GALM: variants seen among roughly 807,000 people sequenced by gnomAD.
The protein encoded by GALM is galactose mutarotase, also known as aldose 1-epimerase.
In GALM, 43 loss-of-function variants were observed where a neutral mutation model predicts 37.4. That is an observed-to-expected ratio of 1.15 (90% CI 0.90 to 1.48). The LOEUF (loss-of-function observed/expected upper bound fraction) is 1.48. Among genes scored for constraint, GALM ranks in the 40% most tolerant of loss-of-function variants. GALM has a pLI of 0.00. For missense variants in GALM, 456 were observed against 419.1 expected (o/e 1.09, Z -0.77); for synonymous variants, 199 against 170.6 (o/e 1.17, Z -1.30).
chr2:38,679,655 A>C (rs1665348024), intron 2 of GALM, among the ~76,000 whole-genome samples: 1 of 152,176 alleles, frequency 6.6e-6, no homozygotes. Flanking sequence ...CTCTAAAGGC[A>C]CTGGGAATCT....
intron 4 of GALM, among the ~76,000 whole-genome samples, chr2:38,721,205 GT>G (rs975253302): frequency 7.2e-5 from 11 of 152,230 alleles, no homozygotes; most frequent in African/African-American, 2.2e-4. Context: ...AAGGCAGTGA[GT>G]TTTTCCTTCA....
At chr2:38,693,470 G>A (rs1225810592) in intron 4 of GALM, among the ~76,000 whole-genome samples, 1 of 139,344 alleles carries the variant, frequency 7.2e-6, no homozygotes, top group Non-Finnish European at 1.5e-5. Context: ...GAAACAGAGC[G>A]AGACTCTGCT....
intron 4 of GALM, among the ~76,000 whole-genome samples, chr2:38,700,500 T>TA (rs1316176380): frequency 3.1e-5 from 4 of 128,336 alleles, no homozygotes; most frequent in Admixed American, 8.0e-5. Flanking sequence ...TTTCTTTTTT[T>TA]TAATCGTTTT....
At chr2:38,713,114 G>GCC (rs1666204262) in intron 4 of GALM, among the ~76,000 whole-genome samples, 1 of 152,184 alleles carries the variant, frequency 6.6e-6, no homozygotes, top group East Asian at 1.9e-4. Flanking sequence ...GAGGAGAGCA[G>GCC]GAGGCCCTGG....
At chr2:38,688,465 C>T (rs987691913) in intron 3 of GALM, among the ~76,000 whole-genome samples, 1 of 151,670 alleles carries the variant, frequency 6.6e-6, no homozygotes, top group Non-Finnish European at 1.5e-5. Context: ...GAGCCGAGAT[C>T]GCGCCATTGC....
Position 38,733,725 on chromosome 2 carries a change from T to G in GALM, c.*160T>G, listed in dbSNP as rs571493695. The G allele has an allele frequency of 1.5e-6, 1 of 646,058 alleles. No individual in the cohort carries two copies. Among genetic ancestry groups the G allele is most frequent in the African/African-American group, 1.8e-5 (1 of 55,448 alleles). The allele number at this position is 646,058 out of a possible 1,614,324, so 40.0% of individuals were successfully genotyped here. A position where few individuals can be genotyped will look rare whatever the true frequency, so the allele number is the denominator to read the frequency against. On this transcript the variant is annotated 3_prime_UTR_variant, in exon 7 of 7. Coordinates refer to ENST00000272252, the MANE Select transcript of GALM (RefSeq NM_138801.3). ...ATCAGTCTGGGTATTGATTTCCTTT[T>G]CCAGTGACTGGCTCCAGGCCATGTC...
chr2:38,679,519 T>C (rs1665343893), intron 2 of GALM, among the ~76,000 whole-genome samples: 1 of 152,208 alleles, frequency 6.6e-6, no homozygotes, highest in African/African-American at 2.4e-5. Context: ...GTCATTTCAT[T>C]TGGGCAACCA....
In GALM at chr2:38,711,004, T is replaced by C. The variant is rs188879673; in HGVS notation, c.635-18552T>C. ...TCTGACTTTAGGCGATCCACCCACCTCAGCCTCCCAAAGTGCTGGGATTAC... is the reference window on the plus strand; with the variant it reads ...TCTGACTTTAGGCGATCCACCCACCCCAGCCTCCCAAAGTGCTGGGATTAC... On this transcript the variant is annotated intron_variant, in intron 4 of 6. Coordinates refer to ENST00000272252, the MANE Select transcript of GALM (RefSeq NM_138801.3). Among the ~76,000 whole-genome samples, 14 of 152,200 alleles carry C rather than the reference T, an allele frequency of 9.2e-5. No homozygotes were observed. The East Asian group carries it at 2.3e-3, about 25-fold the overall frequency.
At chr2:38,713,715 G>T (rs1354086994) in intron 4 of GALM, among the ~76,000 whole-genome samples, 1 of 151,976 alleles carries the variant, frequency 6.6e-6, no homozygotes, top group African/African-American at 2.4e-5. Flanking sequence ...ACCAGTCTGA[G>T]CAACATAGAG....
rs1205920090 is a variant in GALM, at chr2:38,681,451, C to G, written c.517C>G (p.Leu173Val). 1 of 1,614,072 alleles carries G rather than the reference C, an allele frequency of 6.2e-7. No homozygotes were observed. The highest frequency in any genetic ancestry group is 8.5e-7 in the Non-Finnish European group (1 of 1,180,032). Residue 173 changes from leucine to valine, a missense_variant, in exon 3 of 7, where the codon CTG becomes GTG. By Grantham distance (32) the Leu-to-Val change is conservative. Transcript: ENST00000272252. ...AGCCAGTCAGGCCACACCAGTCAAC[C>G]TGACCAACCATTCTTACTTCAACCT... The part of the protein sequence containing the change: ...AQASQATPVN[L>V]TNHSYFNLAG...
chr2:38,729,141 T>TCCC (rs1666544372), intron 4 of GALM, among the ~76,000 whole-genome samples: 1 of 151,974 alleles, frequency 6.6e-6, no homozygotes, highest in Admixed American at 6.6e-5. Flanking sequence ...GAGCCCATAC[T>TCCC]CCCATATACT....
intron 3 of GALM, among the ~76,000 whole-genome samples, chr2:38,688,937 C>T (rs1349874799): frequency 2.6e-5 from 4 of 152,198 alleles, no homozygotes; most frequent in Non-Finnish European, 5.9e-5. Flanking sequence ...TCTCCTGCCT[C>T]AGCCTCCTGA....
chr2:38,708,130 A>AATAAAATAAAATAAC (rs1347394153), intron 4 of GALM, among the ~76,000 whole-genome samples: 1 of 150,064 alleles, frequency 6.7e-6, no homozygotes, highest in East Asian at 2.0e-4. Context: ...AATAAAATAA[A>AATAAAATAAAATAAC]ATAAAATAAA....
Position 38,733,619 on chromosome 2 carries a change from G to C in GALM, c.*54G>C, listed in dbSNP as rs1666650607. On this transcript the variant is annotated 3_prime_UTR_variant, in exon 7 of 7. Transcript: ENST00000272252. ...GGCTAGGCTCAGCCACCTGTCTCCT[G>C]TCCAGAAAAAAGGTGAAGATTAAGA... is the stretch of plus-strand genomic sequence containing the variant. 6 of 1,298,116 alleles carry C rather than the reference G, an allele frequency of 4.6e-6. No homozygotes were observed. In the African/African-American group the frequency reaches 7.3e-5, roughly 16 times the overall value. The allele number at this position is 1,298,116 out of a possible 1,614,324, so 80.4% of individuals were successfully genotyped here.
chr2:38,688,784 G>A (rs1665601573), intron 3 of GALM, among the ~76,000 whole-genome samples: 1 of 152,162 alleles, frequency 6.6e-6, no homozygotes, highest in African/African-American at 2.4e-5. Flanking sequence ...AAGGACCCTG[G>A]AAAAGGTAGA....
In GALM at chr2:38,689,873, GA is replaced by G. The variant is rs1558583734; in HGVS notation, c.614del (p.Asp205ValfsTer4). The G allele has an allele frequency of 6.2e-7, 1 of 1,609,308 alleles. No individual in the cohort carries two copies. The highest frequency in any genetic ancestry group is 8.5e-7 in the Non-Finnish European group (1 of 1,176,126). ...TIEADTYLPV[D>X]ETLIPTGEVA... is the part of the protein sequence containing the mutation. ...AGAAGCGGATACTTATTTGCCTGTGGATGAAACCCTGATTCCTACAGGTTGG... is the reference window on the plus strand; with the variant it reads ...AGAAGCGGATACTTATTTGCCTGTGGTGAAACCCTGATTCCTACAGGTTGG... On this transcript the variant is annotated frameshift_variant, in exon 4 of 7. Transcript: ENST00000272252. LOFTEE classifies it high-confidence loss of function.
At chr2:38,729,792 T>G (rs1666562856) in intron 5 of GALM, 95 bp downstream of exon 5, 1 of 1,028,972 alleles carries the variant, frequency 9.7e-7, no homozygotes, top group African/African-American at 1.6e-5. Context: ...TCAATAGCAT[T>G]TACTATGCTA....
chr2:38,712,701 C>G (rs1207470755), intron 4 of GALM, among the ~76,000 whole-genome samples: 2 of 152,170 alleles, frequency 1.3e-5, no homozygotes, highest in East Asian at 3.8e-4. Context: ...TCCCACTAAA[C>G]CATAGGTGAC....
intron 4 of GALM, among the ~76,000 whole-genome samples, chr2:38,703,896 T>G (rs1271624639): frequency 6.6e-6 from 1 of 151,846 alleles, no homozygotes. Context: ...GTGCCTATAG[T>G]CCCGGCTACT....
Sources: gnomAD v4.1 joint callset for allele counts (sites outside exome capture counted in the v4.1 genomes callset) on GRCh38, gnomAD v4.1.1 for gene constraint, MANE v1.5 for transcripts, NCBI Gene and HGNC (gene_info 2026-07-23, HGNC 2026-07-21) for gene names.